Variants in ADHFE1 observed in about 807,000 individuals in gnomAD.
The protein encoded by ADHFE1 is alcohol dehydrogenase iron containing 1.
Under a neutral mutation model 54.8 loss-of-function variants are expected in ADHFE1, and 37 were observed. That is an observed-to-expected ratio of 0.68 (90% CI 0.52 to 0.89). The LOEUF (loss-of-function observed/expected upper bound fraction) is 0.89. Among genes scored for constraint, ADHFE1 ranks in the 40% least tolerant of loss-of-function variants. The pLI is 0.00. For missense variants in ADHFE1, 601 were observed against 591.2 expected (o/e 1.02, Z -0.17); for synonymous variants, 203 against 229.3 (o/e 0.89, Z 1.04).
chr8:66,440,347 C>T, intron 2 of ADHFE1, 148 bp downstream of exon 2: 1 of 729,760 alleles, frequency 1.4e-6, no homozygotes, highest in South Asian at 1.8e-5. Context: ...AAATTGATAA[C>T]ACGTAACTCT....
At chr8:66,442,928 T>A (rs998081835) in intron 3 of ADHFE1, 84 bp downstream of exon 3, 37 of 1,161,590 alleles carry the variant, frequency 3.2e-5, no homozygotes, top group Non-Finnish European at 4.0e-5. Flanking sequence ...ATTATTATTT[T>A]ATTTTAAATC....
intron 8 of ADHFE1, among the ~76,000 whole-genome samples, chr8:66,450,363 G>C (rs1412495031): frequency 6.6e-6 from 1 of 152,238 alleles, no homozygotes; most frequent in Admixed American, 6.5e-5. Context: ...GGCTCAGAAG[G>C]CAGGAGAATA....
intron 2 of ADHFE1, among the ~76,000 whole-genome samples, chr8:66,442,373 C>G (rs554261968): frequency 6.8e-5 from 10 of 147,214 alleles, no homozygotes; most frequent in African/African-American, 2.5e-4. Flanking sequence ...TGCAGTGGCG[C>G]GATCTCGGCT....
At position 66,457,993 on chromosome 8, in the gene ADHFE1, T is replaced by C. The variant is rs547631350; in HGVS notation, c.1162+827T>C. 7.9e-4 allele frequency among the ~76,000 whole-genome samples: 121 copies of C among 152,300 alleles called. 1 individual carries two copies. The highest frequency in any genetic ancestry group is 2.8e-3 in the African/African-American group (116 of 41,568). On this transcript the variant is annotated intron_variant, in intron 12 of 13. Coordinates refer to ENST00000396623, the MANE Select transcript of ADHFE1 (RefSeq NM_144650.3). ...AATTAGAAACTTTATAAAAATATCCTGAAAGAGGAGTCTGTTTGCCATACT... is the reference window on the plus strand; with the variant it reads ...AATTAGAAACTTTATAAAAATATCCCGAAAGAGGAGTCTGTTTGCCATACT...
At position 66,439,406 on chromosome 8, in the gene ADHFE1, G is replaced by A. The variant is rs2130355098; in HGVS notation, c.60-756G>A. 1.0e-6 allele frequency: 1 copy of A among 985,950 alleles called. No homozygotes were observed. The highest frequency in any genetic ancestry group is 4.7e-5 in the South Asian group (1 of 21,298). 61.1% of individuals were successfully genotyped at this position (985,950 alleles called of 1,614,324 possible). The stretch of plus-strand genomic sequence containing the variant: ...CCAGAGGAGAGACTGGGACTGTCCA[G>A]GAAATAGGAGACGACCAGGACAGGA... On this transcript the variant is annotated intron_variant, in intron 1 of 13. Coordinates refer to ENST00000396623, the MANE Select transcript of ADHFE1 (RefSeq NM_144650.3). This position sits in a 1 kb window ranked among gnomAD's most constrained non-coding sequence, Gnocchi z 4.4.
At chr8:66,447,401 T>A (rs1806086007) in intron 7 of ADHFE1, 60 bp downstream of exon 7, 1 of 1,333,512 alleles carries the variant, frequency 7.5e-7, no homozygotes, top group East Asian at 2.3e-5. Flanking sequence ...CTTCTTTAAA[T>A]CCTAATATTT....
intron 12 of ADHFE1, chr8:66,459,432 T>TATATATATATATATATATA (rs200118083): frequency 2.4e-5 from 2 of 81,716 alleles, no homozygotes; most frequent in African/African-American, 9.9e-5. Context: ...ATATATATAT[T>TATATATATATATATATATA]TTTTTTTTTT....
chr8:66,449,324 T>C (rs568136022), intron 8 of ADHFE1, among the ~76,000 whole-genome samples: 31 of 152,092 alleles, frequency 2.0e-4, no homozygotes, highest in Admixed American at 7.9e-4. Context: ...CAGTTGGAGC[T>C]GGTGTGCAGC....
At position 66,439,454 on chromosome 8, in the gene ADHFE1, G is replaced by A. The variant is rs779009314; in HGVS notation, c.60-708G>A. 4.2e-4 allele frequency: 414 copies of A among 986,154 alleles called. No homozygotes were observed. The highest frequency in any genetic ancestry group is 4.9e-4 in the Non-Finnish European group (405 of 830,344). 61.1% of individuals were successfully genotyped at this position (986,154 alleles called of 1,614,324 possible). On this transcript the variant is annotated intron_variant, in intron 1 of 13. Transcript: ENST00000396623. The surrounding 1 kb of genome is among the most constrained non-coding windows in gnomAD (Gnocchi z 4.4). ...GGAAGAGGGACCACAGCCAGGGGAG[G>A]GAGGGTTTCCAAAAAGGAGGACGTG...
intron 5 of ADHFE1, 79 bp from the exon 6 acceptor site, chr8:66,445,139 A>G: frequency 7.4e-7 from 1 of 1,357,736 alleles, no homozygotes; most frequent in South Asian, 1.5e-5. Flanking sequence ...CACAAAACTT[A>G]CCCCAAGCCT....
intron 13 of ADHFE1, among the ~76,000 whole-genome samples, chr8:66,463,064 C>T (rs934195383): frequency 4.6e-5 from 7 of 151,926 alleles, no homozygotes; most frequent in African/African-American, 1.2e-4. Context: ...TCAGGTGATC[C>T]GCCCACCTCA....
At chr8:66,434,792 C>A (rs1805378558) in intron 1 of ADHFE1, among the ~76,000 whole-genome samples, 2 of 152,276 alleles carry the variant, frequency 1.3e-5, no homozygotes, top group South Asian at 4.1e-4. Flanking sequence ...GTGGGAAGGC[C>A]CTGGAGGGCA....
intron 12 of ADHFE1, among the ~76,000 whole-genome samples, chr8:66,458,853 C>A (rs564017374): frequency 6.6e-6 from 1 of 152,092 alleles, no homozygotes; most frequent in Non-Finnish European, 1.5e-5. Flanking sequence ...GCAGAGATTT[C>A]GATGGTGTTT....
Position 66,439,308 on chromosome 8 carries a change from C to A in ADHFE1, c.60-854C>A. The A allele has an allele frequency of 1.0e-6, 1 of 985,506 alleles. No homozygotes were observed. The highest frequency in any genetic ancestry group is 1.2e-6 in the Non-Finnish European group (1 of 830,020). The allele number at this position is 985,506 out of a possible 1,614,324, so 61.0% of individuals were successfully genotyped here. On this transcript the variant is annotated intron_variant, in intron 1 of 13. Coordinates refer to ENST00000396623, the MANE Select transcript of ADHFE1 (RefSeq NM_144650.3). This position sits in a 1 kb window ranked among gnomAD's most constrained non-coding sequence, Gnocchi z 4.4. ...CCGAGACCCAACCACTGGACAAGGT[C>A]TTCTGGGCAACCCAACGAAACATAA...
In ADHFE1 at chr8:66,432,520, G is replaced by A. The variant is rs1275620753; in HGVS notation, c.4G>A (p.Ala2Thr). The A allele has an allele frequency of 7.3e-7, 1 of 1,369,646 alleles. No individual in the cohort carries two copies. The highest frequency in any genetic ancestry group is 9.5e-7 in the Non-Finnish European group (1 of 1,051,228). The allele number at this position is 1,369,646 out of a possible 1,614,324, so 84.8% of individuals were successfully genotyped here. ...AGGGAAGAGGACTCCAAGCGCCATG[G>A]CCGCTGCCGCCCGAGCCCGGGTCGC... M[A>T]AAARARVAYL... is the part of the protein sequence containing the mutation. Residue 2 changes from alanine (A) to threonine (T), a missense_variant, in exon 1 of 14, where the codon GCC becomes ACC. By Grantham distance (58) the Ala-to-Thr change is moderately conservative. Transcript: ENST00000396623.
Position 66,447,272 on chromosome 8 carries a change from A to G in ADHFE1, c.559A>G (p.Thr187Ala), listed in dbSNP as rs755991818. 3 of 1,612,962 alleles carry G rather than the reference A, an allele frequency of 1.9e-6. No individual in the cohort carries two copies. Among genetic ancestry groups the G allele is most frequent in the Admixed American group, 3.3e-5 (2 of 59,960 alleles). ...PLKPLIAVPTTSGTGSETTGV... is the reference protein window; with the variant it reads ...PLKPLIAVPTASGTGSETTGV... ...ATATTATTTTGTTCAAGTGCCAACT[A>G]CCTCAGGAACCGGGAGTGAAACTAC... The change falls in exon 7 of 14, where the codon ACC becomes GCC. Residue 187 changes from threonine to alanine, a missense_variant. Coordinates refer to ENST00000396623, the MANE Select transcript of ADHFE1 (RefSeq NM_144650.3).
intron 1 of ADHFE1, among the ~76,000 whole-genome samples, chr8:66,436,044 TA>T (rs1388458594): frequency 2.6e-5 from 4 of 151,212 alleles, no homozygotes; most frequent in Non-Finnish European, 4.4e-5. Flanking sequence ...GCCTGCTGAG[TA>T]GCTGGGATTA....
At chr8:66,451,309 G>A (rs182658739) in intron 8 of ADHFE1, among the ~76,000 whole-genome samples, 9 of 152,304 alleles carry the variant, frequency 5.9e-5, no homozygotes, top group Middle Eastern at 3.4e-3. Context: ...GAATACTAAG[G>A]TATACAATGT....
In ADHFE1 at chr8:66,457,209, T is replaced by A. The variant is rs1331644786; in HGVS notation, c.1162+43T>A. 3.2e-6 allele frequency: 5 copies of A among 1,577,540 alleles called. No individual in the cohort carries two copies. In the East Asian group the frequency reaches 1.1e-4, roughly 35 times the overall value. ...AAATTCTGTGACCGGCCAGGCACGG[T>A]GGCTCCCATCTGTAATCCCAGCATT... On this transcript the variant is annotated intron_variant, in intron 12 of 13. Transcript: ENST00000396623.
Sources: allele counts gnomAD v4.1 joint callset (sites outside exome capture counted in the v4.1 genomes callset), GRCh38; gene constraint gnomAD v4.1.1; non-coding constraint Gnocchi (gnomAD v3.1); transcripts MANE v1.5; gene names NCBI Gene and HGNC (gene_info 2026-07-23, HGNC 2026-07-21).